SYT9: variants seen among roughly 807,000 people sequenced by gnomAD.
SYT9 encodes the protein synaptotagmin 9.
SYT9 carries 22 observed loss-of-function variants against 48.4 expected under a neutral mutation model. That is an observed-to-expected ratio of 0.45 (90% confidence interval 0.32 to 0.65). SYT9 has a LOEUF of 0.65. Ranked by LOEUF, SYT9 falls within the 30% of genes least tolerant of loss-of-function variation. The probability of loss-of-function intolerance (pLI) is 0.03; values close to 1 mark genes in which losing one functional copy is unlikely to be tolerated. For synonymous variants in SYT9, 265 were observed against 245.0 expected, an observed-to-expected ratio of 1.08 and a Z score of -0.76; for missense variants, 577 against 622.0, an observed-to-expected ratio of 0.93 and a Z score of 0.77.
chr11:7,398,105 C>A (rs1003165392), intron 3 of SYT9, among the ~76,000 whole-genome samples: 1 of 152,204 alleles, frequency 6.6e-6, no homozygotes, highest in Non-Finnish European at 1.5e-5. Flanking sequence ...TAGCTTTTTA[C>A]AGATCCCCAT....
intron 6 of SYT9, among the ~76,000 whole-genome samples, chr11:7,448,670 G>C (rs1467109190): frequency 6.6e-6 from 1 of 152,206 alleles, no homozygotes; most frequent in Non-Finnish European, 1.5e-5. Context: ...GAAATAGTTT[G>C]AAAAAGTGGC....
intron 3 of SYT9, among the ~76,000 whole-genome samples, chr11:7,406,109 G>A (rs559461016): frequency 1.2e-4 from 18 of 152,140 alleles, no homozygotes; most frequent in Admixed American, 7.2e-4. Flanking sequence ...ATGTGTCTTC[G>A]TCAAGTCAGA....
At chr11:7,326,714 A>G (rs1433228635) in intron 3 of SYT9, among the ~76,000 whole-genome samples, 2 of 124,516 alleles carry the variant, frequency 1.6e-5, no homozygotes, top group African/African-American at 3.1e-5. Context: ...TACTGGTACC[A>G]AAACAGAGAT....
chr11:7,365,829 C>G (rs1312925234), intron 3 of SYT9, among the ~76,000 whole-genome samples: 1 of 152,188 alleles, frequency 6.6e-6, no homozygotes, highest in Middle Eastern at 3.2e-3. Context: ...GTCGTATTTA[C>G]TGTTGAAATG....
intron 1 of SYT9, among the ~76,000 whole-genome samples, chr11:7,254,105 A>T (rs902043615): frequency 6.6e-6 from 1 of 152,116 alleles, no homozygotes; most frequent in Non-Finnish European, 1.5e-5. Flanking sequence ...ACACCAGGCA[A>T]CCCCTGAGAA....
chr11:7,303,220 G>A lies in SYT9; in HGVS notation c.327G>A (p.Gln109=). The change falls in exon 2 of 7, where the codon CAG becomes CAA. Residue 109 remains glutamine (Q), a synonymous_variant. Transcript: ENST00000318881. ...ACATGGACACAGAGACCAATGAGCA[G>A]GAGAACAGTGAGGACTTCCTAGATC... is the stretch of plus-strand genomic sequence containing the variant. ...LNYMDTETNE[Q]ENSEDFLDPP... 6.2e-7 allele frequency: 1 copy of A among 1,614,114 alleles called. No individual in the cohort carries two copies. Among genetic ancestry groups the A allele is most frequent in the Non-Finnish European group, 8.5e-7 (1 of 1,180,016 alleles).
chr11:7,365,587 T>C (rs1850225773), intron 3 of SYT9, among the ~76,000 whole-genome samples: 1 of 152,190 alleles, frequency 6.6e-6, no homozygotes, highest in Non-Finnish European at 1.5e-5. Context: ...TGCCTGACAT[T>C]GTATAGGTGA....
rs529043503 is a variant in SYT9 at position 7,356,686 on chromosome 11, G to A, written c.1044+42745G>A. Among the ~76,000 whole-genome samples, 4 of 152,328 alleles carry A rather than the reference G, an allele frequency of 2.6e-5. No individual in the cohort carries two copies. In the East Asian group the frequency reaches 7.7e-4, roughly 29 times the overall value. The stretch of plus-strand genomic sequence containing the variant: ...TTGGAGACAACTGTCACATTTTACA[G>A]TAGATGCAATTAAAAGTAATTTTGA... On this transcript the variant is annotated intron_variant, in intron 3 of 6. Coordinates refer to ENST00000318881, the MANE Select transcript of SYT9 (RefSeq NM_175733.4).
At position 7,362,430 on chromosome 11, in the gene SYT9, C is replaced by T. The variant is rs114873630; in HGVS notation, c.1044+48489C>T. 3.4e-3 allele frequency among the ~76,000 whole-genome samples: 522 copies of T among 152,182 alleles called. 8 individuals are homozygous for T. Among genetic ancestry groups the T allele is most frequent in the African/African-American group, 9.4e-3 (392 of 41,532 alleles). On this transcript the variant is annotated intron_variant, in intron 3 of 6. Coordinates refer to ENST00000318881, the MANE Select transcript of SYT9 (RefSeq NM_175733.4). ...GATTGCAGGCCTGAACCACCGTGAC[C>T]AGCCCCAGTAGTTTTCCACCTATAT...
intron 1 of SYT9, among the ~76,000 whole-genome samples, chr11:7,290,979 ATAG>A (rs1416561179): frequency 6.6e-6 from 1 of 152,234 alleles, no homozygotes; most frequent in Non-Finnish European, 1.5e-5. Flanking sequence ...AGGGCTAGTA[ATAG>A]TAGGGAGCCA....
At chr11:7,440,826 G>C (rs1479568049) in intron 6 of SYT9, 3 of 152,196 alleles carry the variant, frequency 2.0e-5, no homozygotes, top group Admixed American at 2.0e-4. Flanking sequence ...GGACTATGTT[G>C]CTTAGCGACT....
chr11:7,393,526 G>A (rs923544890), intron 3 of SYT9, among the ~76,000 whole-genome samples: 9 of 151,886 alleles, frequency 5.9e-5, no homozygotes, highest in Admixed American at 5.9e-4. Context: ...GAGGATTTTT[G>A]TTCTATGTTC....
At chr11:7,447,949 A>T (rs1423466481) in intron 6 of SYT9, among the ~76,000 whole-genome samples, 1 of 152,200 alleles carries the variant, frequency 6.6e-6, no homozygotes, top group Non-Finnish European at 1.5e-5. Flanking sequence ...GAAATTAGGG[A>T]TCCTTCATTG....
chr11:7,433,520 G>T (rs1847649493), intron 6 of SYT9, among the ~76,000 whole-genome samples: 1 of 152,202 alleles, frequency 6.6e-6, no homozygotes, highest in African/African-American at 2.4e-5. Context: ...GGCTTTATCT[G>T]CATTCTCTCT....
At chr11:7,444,750 A>G (rs768007849) in intron 6 of SYT9, among the ~76,000 whole-genome samples, 1 of 152,078 alleles carries the variant, frequency 6.6e-6, no homozygotes, top group Admixed American at 6.5e-5. Flanking sequence ...CCAAGCAGGA[A>G]TGGATTGATA....
intron 6 of SYT9, among the ~76,000 whole-genome samples, chr11:7,432,570 AAAAAAAAAAAAAATATAT>A (rs1847608184): frequency 5.9e-5 from 1 of 16,916 alleles, no homozygotes; most frequent in Non-Finnish European, 1.1e-4. Context: ...AAAAAAAAAA[AAAAAAAAAAAAAATATAT>A]ATACATATAT....
At chr11:7,331,670 A>G (rs1156282291) in intron 3 of SYT9, among the ~76,000 whole-genome samples, 1 of 152,128 alleles carries the variant, frequency 6.6e-6, no homozygotes, top group Non-Finnish European at 1.5e-5. Context: ...GGCTGCAATG[A>G]ACCATGATTG....
chr11:7,344,796 T>G (rs1849771523), intron 3 of SYT9, among the ~76,000 whole-genome samples: 1 of 152,194 alleles, frequency 6.6e-6, no homozygotes, highest in Non-Finnish European at 1.5e-5. Context: ...TATCACAGTG[T>G]CTTGATTGCA....
chr11:7,419,895 C>G (rs991395383), intron 5 of SYT9, among the ~76,000 whole-genome samples: 1 of 150,280 alleles, frequency 6.7e-6, no homozygotes, highest in Non-Finnish European at 1.5e-5. Flanking sequence ...GACTCCATTT[C>G]AAAAAAAAAG....
Sources: allele counts gnomAD v4.1 joint callset (sites outside exome capture counted in the v4.1 genomes callset), GRCh38; gene constraint gnomAD v4.1.1; transcripts MANE v1.5; gene names NCBI Gene and HGNC (gene_info 2026-07-23, HGNC 2026-07-21).